Variants in RYR3 observed in about 807,000 individuals in gnomAD.
The protein encoded by RYR3 is ryanodine receptor 3.
In RYR3, 207 loss-of-function variants were observed where a neutral mutation model predicts 584.3. That is an observed-to-expected ratio of 0.35 (90% CI 0.32 to 0.40). The LOEUF is 0.40. Ranked by LOEUF, RYR3 falls within the 10% of genes least tolerant of loss-of-function variation. RYR3 has a pLI of 1.00. For missense variants in RYR3, 5,616 were observed against 6,089.2 expected (o/e 0.92, Z 2.59); for synonymous variants, 2,416 against 2,248.5 (o/e 1.07, Z -2.11).
intron 1 of RYR3, among the ~76,000 whole-genome samples, chr15:33,436,295 G>T (rs898844627): frequency 2.0e-5 from 3 of 151,886 alleles, no homozygotes; most frequent in Non-Finnish European, 4.4e-5. Context: ...CATCAAGGTT[G>T]AGCATCTTTT....
At chr15:33,864,858 T>G (rs1328191018) in intron 103 of RYR3, 4 of 386,564 alleles carry the variant, frequency 1.0e-5, no homozygotes, top group Non-Finnish European at 1.9e-5. Context: ...AATCTTTAAG[T>G]ATGTTTAGTG....
At chr15:33,406,570 G>C (rs2043033788) in intron 1 of RYR3, among the ~76,000 whole-genome samples, 1 of 152,192 alleles carries the variant, frequency 6.6e-6, no homozygotes, top group Non-Finnish European at 1.5e-5. Flanking sequence ...TGAAACAGTG[G>C]TCTCTATTTG....
intron 2 of RYR3, among the ~76,000 whole-genome samples, chr15:33,475,158 A>T (rs2049267382): frequency 6.6e-6 from 1 of 152,166 alleles, no homozygotes; most frequent in African/African-American, 2.4e-5. Flanking sequence ...TACTCATGTG[A>T]CCGTGGGACA....
chr15:33,850,985 ATAAGTG>A (rs1567320648), intron 94 of RYR3: 1 of 152,254 alleles, frequency 6.6e-6, no homozygotes, highest in African/African-American at 2.4e-5. Flanking sequence ...GGAACTTAAT[ATAAGTG>A]GAATTATACT....
At chr15:33,634,212 G>A (rs76490704) in intron 24 of RYR3, among the ~76,000 whole-genome samples, 1,649 of 151,688 alleles carry the variant, frequency 0.011, 10 homozygotes, top group African/African-American at 0.026. Context: ...CCACCACATC[G>A]AGCTAATTTT....
At chr15:33,845,521 TG>T (rs1169366507) in intron 93 of RYR3, among the ~76,000 whole-genome samples, 1 of 152,224 alleles carries the variant, frequency 6.6e-6, no homozygotes, top group Admixed American at 6.5e-5. Flanking sequence ...CCCACAGTGC[TG>T]GGATTACAAG....
At chr15:33,653,442 CG>C (rs1274261022) in intron 32 of RYR3, among the ~76,000 whole-genome samples, 1 of 151,976 alleles carries the variant, frequency 6.6e-6, no homozygotes, top group African/African-American at 2.4e-5. Flanking sequence ...GAGGCCGAGG[CG>C]GGGGGATCAT....
intron 1 of RYR3, among the ~76,000 whole-genome samples, chr15:33,370,603 G>A (rs2040263478): frequency 6.6e-6 from 1 of 152,112 alleles, no homozygotes; most frequent in African/African-American, 2.4e-5. Flanking sequence ...CATATTATAG[G>A]TGCCCAGGTT....
chr15:33,519,183 AG>A (rs2053778498), intron 3 of RYR3, among the ~76,000 whole-genome samples: 1 of 152,198 alleles, frequency 6.6e-6, no homozygotes, highest in Non-Finnish European at 1.5e-5. Context: ...TGGTAAAGAC[AG>A]GTGGATCTGG....
chr15:33,758,946 G>A (rs1371863569), intron 60 of RYR3, among the ~76,000 whole-genome samples: 1 of 152,190 alleles, frequency 6.6e-6, no homozygotes, highest in East Asian at 1.9e-4. Context: ...CCAGAGGAAG[G>A]AGAAAGCAGC....
chr15:33,780,006 G>A (rs984905355), intron 64 of RYR3, among the ~76,000 whole-genome samples: 5 of 151,868 alleles, frequency 3.3e-5, no homozygotes, highest in East Asian at 1.9e-4. Flanking sequence ...GCAAGACTCC[G>A]TCTCAAAAAA....
chr15:33,634,616 G>T lies in RYR3; in HGVS notation c.3058G>T (p.Val1020Leu), dbSNP rs2083728214. 5 of 1,613,830 alleles carry T rather than the reference G, an allele frequency of 3.1e-6. No homozygotes were observed. Among genetic ancestry groups the T allele is most frequent in the Non-Finnish European group, 4.2e-6 (5 of 1,179,874 alleles). ...GAAGAACAAAAGAAATCCCCGTCTG[G>T]TGCCATATGCATTACTGGATGAGCG... ...DLKNKRNPRL[V>L]PYALLDERTK... The change falls in exon 25 of 104, where the codon GTG (valine) becomes TTG (leucine). Residue 1020 changes from valine to leucine, a missense_variant. By Grantham distance (32) the Val-to-Leu change is conservative. This residue lies in a region of RYR3 where 1,284 missense variants were observed against 1,344.6 expected (regional missense o/e 0.95). Transcript: ENST00000634891.
At chr15:33,443,244 G>A (rs1467283485) in intron 1 of RYR3, among the ~76,000 whole-genome samples, 5 of 139,320 alleles carry the variant, frequency 3.6e-5, no homozygotes, top group Non-Finnish European at 7.6e-5. Flanking sequence ...GGGTGAGATA[G>A]TAAGACTCCA....
chr15:33,356,943 G>C (rs184742145), intron 1 of RYR3, among the ~76,000 whole-genome samples: 3 of 152,300 alleles, frequency 2.0e-5, no homozygotes, highest in Admixed American at 2.0e-4. Context: ...TATCCTGGAT[G>C]CTTCTTTGGA....
intron 27 of RYR3, among the ~76,000 whole-genome samples, chr15:33,638,269 A>C (rs1172965465): frequency 6.6e-6 from 1 of 152,230 alleles, no homozygotes; most frequent in East Asian, 1.9e-4. Context: ...GGTGGACATC[A>C]GGGCAGTGTA....
intron 50 of RYR3, among the ~76,000 whole-genome samples, chr15:33,738,976 C>T (rs2069790259): frequency 6.6e-6 from 1 of 152,206 alleles, no homozygotes; most frequent in South Asian, 2.1e-4. Context: ...AAAGTCCTGA[C>T]ATCTGCTGTG....
In RYR3 at chr15:33,860,743, T is replaced by C. The variant is rs1028542547; in HGVS notation, c.14364+84T>C. On this transcript the variant is annotated intron_variant, in intron 101 of 103. Transcript: ENST00000634891. ...ATTTTTTAAACAATAGGTTTTACTATTACTTAGGGCCAGTACTAAGCAAGA... is the reference window on the plus strand; with the variant it reads ...ATTTTTTAAACAATAGGTTTTACTACTACTTAGGGCCAGTACTAAGCAAGA... 15 of 1,041,286 alleles carry C rather than the reference T, an allele frequency of 1.4e-5. No homozygotes were observed. In the African/African-American group the frequency reaches 2.2e-4, roughly 16 times the overall value. The allele number at this position is 1,041,286 out of a possible 1,614,324, so 64.5% of individuals were successfully genotyped here. A position where few individuals can be genotyped will look rare whatever the true frequency, so the allele number is the denominator to read the frequency against.
intron 99 of RYR3, 170 bp downstream of exon 99, chr15:33,858,084 T>A: frequency 1.1e-6 from 1 of 890,120 alleles, no homozygotes; most frequent in East Asian, 2.7e-5. Context: ...AACAGGAGAG[T>A]GTCCTGGGAA....
At chr15:33,522,783 A>G (rs549710575) in intron 3 of RYR3, among the ~76,000 whole-genome samples, 20 of 152,082 alleles carry the variant, frequency 1.3e-4, no homozygotes, top group Non-Finnish European at 2.9e-5. Flanking sequence ...CTGTTGCCTC[A>G]TTCTCTGGCT....
Sources: allele counts gnomAD v4.1 joint callset (sites outside exome capture counted in the v4.1 genomes callset), GRCh38; gene constraint gnomAD v4.1.1; regional missense constraint gnomAD v4.1.1; transcripts MANE v1.5; gene names NCBI Gene and HGNC (gene_info 2026-07-23, HGNC 2026-07-21).